The following SLC9A9 variants were observed in gnomAD, a reference collection of about 807,000 sequenced individuals.
SLC9A9 encodes solute carrier family 9 member A9.
In SLC9A9, 62 loss-of-function variants were observed where a neutral mutation model predicts 77.8. The observed-to-expected ratio is 0.80, with a 90% confidence interval of 0.65 to 0.98. The LOEUF (loss-of-function observed/expected upper bound fraction) is 0.98. Ranked by LOEUF, SLC9A9 falls within the 50% of genes least tolerant of loss-of-function variation. SLC9A9 has a pLI of 0.00. For missense variants in SLC9A9, 775 were observed against 774.9 expected (o/e 1.00, Z 0.00); for synonymous variants, 320 against 283.5 (o/e 1.13, Z -1.29).
intron 2 of SLC9A9, among the ~76,000 whole-genome samples, chr3:143,808,693 G>A (rs923515738): frequency 6.6e-6 from 1 of 152,040 alleles, no homozygotes; most frequent in East Asian, 1.9e-4. Flanking sequence ...AAATTTCCTG[G>A]GTTCACATCC....
chr3:143,723,370 G>T (rs1304702371), intron 4 of SLC9A9, among the ~76,000 whole-genome samples: 1 of 152,156 alleles, frequency 6.6e-6, no homozygotes, highest in African/African-American at 2.4e-5. Flanking sequence ...GTTTTCCTGG[G>T]TGGAGGGATT....
chr3:143,625,187 GC>G (rs35696893), intron 6 of SLC9A9, among the ~76,000 whole-genome samples: 6 of 152,300 alleles, frequency 3.9e-5, no homozygotes, highest in Admixed American at 3.3e-4. Flanking sequence ...TGGCCATAAT[GC>G]CCAAGGCAAT....
chr3:143,404,976 C>A (rs2033947092), intron 12 of SLC9A9, among the ~76,000 whole-genome samples: 2 of 152,186 alleles, frequency 1.3e-5, no homozygotes, highest in Admixed American at 6.5e-5. Flanking sequence ...AAAGTCTTTT[C>A]CTCTTGCTGA....
In SLC9A9 at chr3:143,309,436, T is replaced by C. The variant is rs548149181; in HGVS notation, c.1605-40456A>G. 3.4e-5 allele frequency among the ~76,000 whole-genome samples: 5 copies of C among 148,018 alleles called. No homozygotes were observed. In the South Asian group the frequency reaches 1.1e-3, roughly 32 times the overall value. On this transcript the variant is annotated intron_variant, in intron 14 of 15. Coordinates refer to ENST00000316549, the MANE Select transcript of SLC9A9 (RefSeq NM_173653.4). Reference sequence around the variant, plus strand: ...GAAAAGCAAAAAAAAAAAAAAAAGGTTCATTTGGGGTCACCAGATGATTTT... The same window carrying C: ...GAAAAGCAAAAAAAAAAAAAAAAGGCTCATTTGGGGTCACCAGATGATTTT...
At chr3:143,435,589 C>T (rs2108540087) in intron 12 of SLC9A9, among the ~76,000 whole-genome samples, 1 of 152,266 alleles carries the variant, frequency 6.6e-6, no homozygotes, top group South Asian at 2.1e-4. Context: ...ATGTCTTCAC[C>T]TTGAATCCAA....
intron 6 of SLC9A9, among the ~76,000 whole-genome samples, chr3:143,615,874 CTT>C (rs1337101881): frequency 1.4e-5 from 2 of 148,136 alleles, no homozygotes; most frequent in Non-Finnish European, 3.0e-5. Flanking sequence ...AAATTTATAA[CTT>C]TAAATTTCTT....
At chr3:143,306,583 G>A (rs556839284) in intron 14 of SLC9A9, among the ~76,000 whole-genome samples, 1 of 152,264 alleles carries the variant, frequency 6.6e-6, no homozygotes, top group Non-Finnish European at 1.5e-5. Context: ...ACCAGGGCCT[G>A]GCACAGTGAT....
At chr3:143,436,800 T>C (rs1037321609) in intron 12 of SLC9A9, among the ~76,000 whole-genome samples, 1 of 152,220 alleles carries the variant, frequency 6.6e-6, no homozygotes, top group Admixed American at 6.5e-5. Context: ...TGTCCTCAGC[T>C]GGGATGAGTT....
chr3:143,813,466 G>A (rs1368245697), intron 2 of SLC9A9, among the ~76,000 whole-genome samples: 1 of 152,180 alleles, frequency 6.6e-6, no homozygotes, highest in African/African-American at 2.4e-5. Context: ...GAGGAATTAA[G>A]TGTGTACCTC....
In SLC9A9 at chr3:143,752,804, T is replaced by C. The variant is rs146352068; in HGVS notation, c.533+42197A>G. On this transcript the variant is annotated intron_variant, in intron 4 of 15. Coordinates refer to ENST00000316549, the MANE Select transcript of SLC9A9 (RefSeq NM_173653.4). ...AATGGATAAAAATGGGAGATAAGCTTTGCTCCCATAATCTGCTTCCAATGG... is the reference window on the plus strand; with the variant it reads ...AATGGATAAAAATGGGAGATAAGCTCTGCTCCCATAATCTGCTTCCAATGG... Among the ~76,000 whole-genome samples, 806 of 152,180 alleles carry C rather than the reference T, an allele frequency of 5.3e-3. 9 individuals are homozygous for C. The highest frequency in any genetic ancestry group is 0.018 in the African/African-American group (747 of 41,524).
chr3:143,541,074 C>T (rs72999725), intron 9 of SLC9A9, among the ~76,000 whole-genome samples: 2,247 of 152,222 alleles, frequency 0.015, 57 homozygotes, highest in African/African-American at 0.052. Flanking sequence ...CACCCCTTCC[C>T]CCACCACCAC....
intron 9 of SLC9A9, among the ~76,000 whole-genome samples, chr3:143,538,951 C>G (rs748029549): frequency 6.6e-6 from 1 of 152,168 alleles, no homozygotes. Flanking sequence ...CAACAGGGAT[C>G]TTTTCCCTTC....
chr3:143,745,259 A>G (rs1018771614), intron 4 of SLC9A9, among the ~76,000 whole-genome samples: 1 of 152,174 alleles, frequency 6.6e-6, no homozygotes, highest in Admixed American at 6.5e-5. Context: ...AAAAACCAAG[A>G]TGTTTTTATA....
chr3:143,408,678 T>C (rs2034033165), intron 12 of SLC9A9, among the ~76,000 whole-genome samples: 2 of 152,336 alleles, frequency 1.3e-5, no homozygotes, highest in East Asian at 1.9e-4. Flanking sequence ...TCCCCTTCTT[T>C]GGAACATTAT....
chr3:143,273,589 T>C (rs576471767), intron 14 of SLC9A9, among the ~76,000 whole-genome samples: 2 of 152,186 alleles, frequency 1.3e-5, no homozygotes, highest in Admixed American at 1.3e-4. Flanking sequence ...ACCCAAGCTA[T>C]GGTATTTTGT....
intron 5 of SLC9A9, among the ~76,000 whole-genome samples, chr3:143,690,853 A>G (rs1392372316): frequency 1.3e-5 from 2 of 152,166 alleles, no homozygotes; most frequent in Admixed American, 6.6e-5. Context: ...ATTGAACTGG[A>G]AAACTACTTC....
intron 14 of SLC9A9, among the ~76,000 whole-genome samples, chr3:143,296,908 A>T (rs2030296155): frequency 6.6e-6 from 1 of 152,004 alleles, no homozygotes; most frequent in African/African-American, 2.4e-5. Flanking sequence ...GGAGTTCCTT[A>T]TATATTTTGT....
At chr3:143,538,135 T>A (rs4025524) in intron 9 of SLC9A9, among the ~76,000 whole-genome samples, 7,422 of 152,270 alleles carry the variant, frequency 0.049, 282 homozygotes, top group African/African-American at 0.1. Context: ...TACAGGCCAG[T>A]ATATCCAAGT....
intron 14 of SLC9A9, among the ~76,000 whole-genome samples, chr3:143,300,034 A>G (rs1210446330): frequency 6.6e-6 from 1 of 152,172 alleles, no homozygotes; most frequent in Non-Finnish European, 1.5e-5. Flanking sequence ...CCCAGACTCT[A>G]TGTGAGGGCT....
Sources: allele counts gnomAD v4.1 joint callset (sites outside exome capture counted in the v4.1 genomes callset), GRCh38; gene constraint gnomAD v4.1.1; transcripts MANE v1.5; gene names NCBI Gene and HGNC (gene_info 2026-07-23, HGNC 2026-07-21).